Variants in ARHGAP22 observed in about 807,000 individuals in gnomAD.
ARHGAP22 encodes the protein rho GTPase-activating protein 22.
ARHGAP22 carries 48 observed loss-of-function variants against 59.1 expected under a neutral mutation model. The observed-to-expected ratio is 0.81, with a 90% CI of 0.64 to 1.03. The LOEUF is 1.03. Among genes scored for constraint, ARHGAP22 ranks in the 50% least tolerant of loss-of-function variants. The pLI, the probability that ARHGAP22 is intolerant of heterozygous loss-of-function variation, is 0.00. For synonymous variants in ARHGAP22, 445 were observed against 416.4 expected, an observed-to-expected ratio of 1.07 and a Z score of -0.84; for missense variants, 1,015 against 958.7, an observed-to-expected ratio of 1.06 and a Z score of -0.78.
intron 3 of ARHGAP22, among the ~76,000 whole-genome samples, chr10:48,507,653 G>A (rs1205592276): frequency 2.0e-5 from 3 of 152,126 alleles, no homozygotes; most frequent in Non-Finnish European, 2.9e-5. Flanking sequence ...TGGCACCTGT[G>A]AGCAGTTTCA....
intron 1 of ARHGAP22, among the ~76,000 whole-genome samples, chr10:48,599,619 T>G (rs1382933482): frequency 6.6e-6 from 1 of 152,232 alleles, no homozygotes; most frequent in Non-Finnish European, 1.5e-5. Context: ...CAGGCCCATC[T>G]GAGCCCACCA....
At chr10:48,473,328 G>A (rs904835659) in intron 4 of ARHGAP22, among the ~76,000 whole-genome samples, 8 of 151,974 alleles carry the variant, frequency 5.3e-5, no homozygotes, top group Admixed American at 3.3e-4. Context: ...TGGTTGCCCA[G>A]GGCTGGAGGG....
At chr10:48,654,297 A>G (rs78180416), upstream of ARHGAP22, among the ~76,000 whole-genome samples, 10,459 of 152,274 alleles carry the variant, frequency 0.069, 506 homozygotes, top group Middle Eastern at 0.15. Context: ...CGCTTCAGGA[A>G]CTAATACTCT....
At chr10:48,654,984 C>T (rs1198408310), upstream of ARHGAP22, among the ~76,000 whole-genome samples, 1 of 138,778 alleles carries the variant, frequency 7.2e-6, no homozygotes, top group African/African-American at 2.7e-5. Flanking sequence ...TCCATCCTTC[C>T]TCCCTTCCTC....
chr10:48,543,975 T>C (rs991116160), intron 3 of ARHGAP22, among the ~76,000 whole-genome samples: 2 of 152,028 alleles, frequency 1.3e-5, no homozygotes, highest in Non-Finnish European at 2.9e-5. Context: ...TACAAAGAAA[T>C]TAGCCGGACA....
Position 48,586,679 on chromosome 10 carries a change from T to A in ARHGAP22, c.35-3527A>T, listed in dbSNP as rs192630896. On this transcript the variant is annotated intron_variant, in intron 1 of 9. Transcript: ENST00000249601. ...TAAAATAGTATAATTTGAGCGTTCCTACTCCATAATTTAGTAGGTATAAAA... is the reference window on the plus strand; with the variant it reads ...TAAAATAGTATAATTTGAGCGTTCCAACTCCATAATTTAGTAGGTATAAAA... Among the ~76,000 whole-genome samples the A allele has an allele frequency of 1.1e-4, 17 of 152,382 alleles. No homozygotes were observed. In the East Asian group the frequency reaches 3.1e-3, roughly 28 times the overall value.
upstream of ARHGAP22, among the ~76,000 whole-genome samples, chr10:48,609,609 A>G (rs1374932170): frequency 6.6e-6 from 1 of 152,128 alleles, no homozygotes; most frequent in Non-Finnish European, 1.5e-5. Context: ...ACTATAGCCG[A>G]CATTCTCACT....
intron 5 of ARHGAP22, 149 bp downstream of exon 5, chr10:48,459,535 G>C: frequency 1.1e-6 from 1 of 880,888 alleles, no homozygotes; most frequent in South Asian, 1.5e-5. Flanking sequence ...GGCGGAGTGA[G>C]GGTGTGCCCT....
chr10:48,440,317 T>C, the ARHGAP22 span, among the ~76,000 whole-genome samples: 2 of 152,206 alleles, frequency 1.3e-5, no homozygotes, highest in African/African-American at 4.8e-5. Flanking sequence ...GGTTTCTGTC[T>C]AACATGTACT....
rs372857506 is a variant in ARHGAP22 at position 48,459,787 on chromosome 10, G to A, written c.556C>T (p.Arg186Cys). 119 of 1,613,784 alleles carry A rather than the reference G, an allele frequency of 7.4e-5. No individual in the cohort carries two copies. Among genetic ancestry groups the A allele is most frequent in the South Asian group, 1.3e-4 (12 of 91,094 alleles). ...VEQCVDFIRE[R>C]GLTEEGLFRM... is the part of the protein sequence containing the mutation. ...AACAGCCCCTCCTCAGTGAGCCCGC[G>A]CTCCCGGATGAAGTCCACACACTGC... is the stretch of plus-strand genomic sequence containing the variant. The change falls in exon 5 of 10, where the codon CGC becomes TGC. Residue 186 changes from arginine (R) to cysteine (C), a missense_variant. Coordinates refer to ENST00000249601, the MANE Select transcript of ARHGAP22 (RefSeq NM_021226.4).
At chr10:48,590,488 C>G (rs1298680984) in intron 1 of ARHGAP22, among the ~76,000 whole-genome samples, 1 of 152,138 alleles carries the variant, frequency 6.6e-6, no homozygotes, top group African/African-American at 2.4e-5. Flanking sequence ...AGTGCCCCAC[C>G]AGCTGAGGCC....
intron 1 of ARHGAP22, among the ~76,000 whole-genome samples, chr10:48,592,302 C>T (rs894171522): frequency 1.4e-4 from 22 of 152,260 alleles, no homozygotes; most frequent in East Asian, 1.4e-3. Context: ...TATCTGTCAC[C>T]GCACCTGGCT....
chr10:48,602,077 A>G (rs2060417524), intron 1 of ARHGAP22, among the ~76,000 whole-genome samples: 1 of 152,224 alleles, frequency 6.6e-6, no homozygotes, highest in Non-Finnish European at 1.5e-5. Flanking sequence ...ATGATATCAC[A>G]TTATAGTGTA....
At chr10:48,530,074 T>C (rs769979291) in intron 3 of ARHGAP22, among the ~76,000 whole-genome samples, 7 of 151,900 alleles carry the variant, frequency 4.6e-5, no homozygotes, top group Non-Finnish European at 8.8e-5. Context: ...GCATCTCTAC[T>C]AAATATACAA....
At chr10:48,640,820 T>C (rs955626965) in intron 1 of ARHGAP22, among the ~76,000 whole-genome samples, 1 of 152,186 alleles carries the variant, frequency 6.6e-6, no homozygotes, top group African/African-American at 2.4e-5. Flanking sequence ...TGGGTTAATA[T>C]GAAGGTCCCA....
At chr10:48,539,290 C>CTGTTTTT (rs553835954) in intron 3 of ARHGAP22, among the ~76,000 whole-genome samples, 1 of 129,310 alleles carries the variant, frequency 7.7e-6, no homozygotes, top group Non-Finnish European at 1.6e-5. Flanking sequence ...AGAAGGGTAA[C>CTGTTTTT]ATTTTTTTTT....
rs1313612312 is a variant in ARHGAP22 at position 48,493,493 on chromosome 10, T to A, written c.323-13729A>T. 7 of 1,535,900 alleles carry A rather than the reference T, an allele frequency of 4.6e-6. No individual in the cohort carries two copies. The South Asian group carries it at 8.3e-5, about 18-fold the overall frequency. ...CACCTGATGGGCCAGAAGGGCATGG[T>A]GTGGAGCAGCGGGGGCTGCAGTGAG... On this transcript the variant is annotated intron_variant, in intron 3 of 9. Coordinates refer to ENST00000249601, the MANE Select transcript of ARHGAP22 (RefSeq NM_021226.4).
intron 1 of ARHGAP22, among the ~76,000 whole-genome samples, chr10:48,594,590 C>T: frequency 6.6e-6 from 1 of 152,186 alleles, no homozygotes; most frequent in East Asian, 1.9e-4. Flanking sequence ...TTCCAACAGT[C>T]TTCCCAGGGG....
intron 8 of ARHGAP22, chr10:48,451,719 A>G: frequency 3.4e-6 from 2 of 593,398 alleles, no homozygotes; most frequent in South Asian, 1.9e-5. Context: ...AAAGTCCCAC[A>G]CACACACACA....
Sources: gnomAD v4.1 joint callset for allele counts (sites outside exome capture counted in the v4.1 genomes callset) on GRCh38, gnomAD v4.1.1 for gene constraint, MANE v1.5 for transcripts, NCBI Gene and HGNC (gene_info 2026-07-23, HGNC 2026-07-21) for gene names.